Variants in FSIP1 observed in about 807,000 individuals in gnomAD.
The protein encoded by FSIP1 is fibrous sheath-interacting protein 1.
A neutral mutation model predicts 60.9 loss-of-function variants in FSIP1; 65 were observed. That is an observed-to-expected ratio of 1.07 (90% CI 0.87 to 1.31). The LOEUF is 1.31. Ranked by LOEUF, FSIP1 falls within the 40% of genes most tolerant of loss-of-function variation. FSIP1 has a pLI of 0.00. For synonymous variants in FSIP1, 209 were observed against 221.2 expected (o/e 0.94, Z 0.49); for missense variants, 675 against 665.5 (o/e 1.01, Z -0.16).
chr15:39,679,934 T>A (rs375012165), intron 10 of FSIP1, among the ~76,000 whole-genome samples: 3 of 152,186 alleles, frequency 2.0e-5, no homozygotes, highest in East Asian at 3.9e-4. Flanking sequence ...GGCCTGAAAC[T>A]TAGCATTCAT....
chr15:39,605,823 T>C (rs906533620), intron 11 of FSIP1, among the ~76,000 whole-genome samples: 1 of 152,270 alleles, frequency 6.6e-6, no homozygotes, highest in Non-Finnish European at 1.5e-5. Context: ...TTTATTTGAA[T>C]GTTCTCATTT....
rs537897489 is a variant in FSIP1, at chr15:39,673,855, T to G, written c.1188+39589A>C. ...TAATTGGCTTATTTTTCTATATATA[T>G]ATCATATATTTTGTATATATCTTAA... On this transcript the variant is annotated intron_variant, in intron 10 of 11. Coordinates refer to ENST00000350221, the MANE Select transcript of FSIP1 (RefSeq NM_152597.5). Among the ~76,000 whole-genome samples the G allele has an allele frequency of 2.6e-5, 4 of 152,012 alleles. No individual in the cohort carries two copies. In the East Asian group the frequency reaches 7.7e-4, roughly 29 times the overall value.
At position 39,618,239 on chromosome 15, in the gene FSIP1, A is replaced by T. The variant is rs1891312817; in HGVS notation, c.1195T>A (p.Ser399Thr). ...TGTTCTTCAGAGAGACATGATGTGG[A>T]CTCTAACTGATGAAACAAACCAAAA... is the stretch of plus-strand genomic sequence containing the variant. ...LKMMKENVLE[S>T]TSCLSEEQLK... The change falls in exon 11 of 12, where the codon TCC (serine) becomes ACC (threonine). Residue 399 changes from serine to threonine, a missense_variant. Physicochemically the swap from Ser to Thr is moderately conservative, Grantham distance 58. Transcript: ENST00000350221. 6.3e-7 allele frequency: 1 copy of T among 1,594,020 alleles called. No individual in the cohort carries two copies. Among genetic ancestry groups the T allele is most frequent in the Non-Finnish European group, 8.6e-7 (1 of 1,166,912 alleles).
intron 10 of FSIP1, among the ~76,000 whole-genome samples, chr15:39,661,159 T>C (rs568888149): frequency 1.3e-5 from 2 of 152,352 alleles, no homozygotes; most frequent in African/African-American, 2.4e-5. Context: ...ACACACTAGA[T>C]TGTTGGTATG....
Position 39,618,037 on chromosome 15 carries a change from T to C in FSIP1, c.1397A>G (p.Glu466Gly). The change falls in exon 11 of 12, where the codon GAA becomes GGA. Residue 466 changes from glutamate to glycine, a missense_variant. By Grantham distance (98) the Glu-to-Gly change is moderately conservative. Transcript: ENST00000350221. ...SETKVQKTEV[E>G]DADMLESEEC... ...TTCACTCTCAAGCATATCTGCATCT[T>C]CTACCTCAGTTTTCTGGACCTTTGT... 6.2e-7 allele frequency: 1 copy of C among 1,614,184 alleles called. No homozygotes were observed. Among genetic ancestry groups the C allele is most frequent in the Non-Finnish European group, 8.5e-7 (1 of 1,180,010 alleles).
At chr15:39,691,190 G>T (rs1321090409) in intron 10 of FSIP1, among the ~76,000 whole-genome samples, 1 of 152,206 alleles carries the variant, frequency 6.6e-6, no homozygotes, top group Non-Finnish European at 1.5e-5. Context: ...AGTCTTTGGG[G>T]AAGGGTGACT....
At chr15:39,711,216 AG>A (rs1349506792) in intron 10 of FSIP1, among the ~76,000 whole-genome samples, 3 of 152,278 alleles carry the variant, frequency 2.0e-5, no homozygotes, top group African/African-American at 7.2e-5. Context: ...AAGATCGAAG[AG>A]CTGGCAGGTT....
At chr15:39,760,840 T>C (rs1198270398) in intron 5 of FSIP1, among the ~76,000 whole-genome samples, 2 of 152,168 alleles carry the variant, frequency 1.3e-5, no homozygotes, top group African/African-American at 4.8e-5. Flanking sequence ...TATGGTTATG[T>C]AAGATTAGGA....
chr15:39,740,391 G>A (rs1400500440), intron 6 of FSIP1, among the ~76,000 whole-genome samples: 1 of 152,060 alleles, frequency 6.6e-6, no homozygotes, highest in African/African-American at 2.4e-5. Context: ...GACACCGAGT[G>A]CTCAAAATAA....
At chr15:39,774,703 G>A (rs1341691292) in intron 2 of FSIP1, among the ~76,000 whole-genome samples, 1 of 152,216 alleles carries the variant, frequency 6.6e-6, no homozygotes, top group East Asian at 1.9e-4. Context: ...AATCCAATTA[G>A]ATGAACCTGC....
At chr15:39,725,669 T>A (rs1320350297) in intron 9 of FSIP1, among the ~76,000 whole-genome samples, 1 of 152,204 alleles carries the variant, frequency 6.6e-6, no homozygotes, top group Non-Finnish European at 1.5e-5. Flanking sequence ...TACTCTCTTA[T>A]GCAATCAGAC....
At chr15:39,752,987 A>C (rs1470088523) in intron 5 of FSIP1, among the ~76,000 whole-genome samples, 1 of 152,114 alleles carries the variant, frequency 6.6e-6, no homozygotes, top group Non-Finnish European at 1.5e-5. Flanking sequence ...AAAATTAGAG[A>C]TAAAGAGGAT....
chr15:39,767,234 T>A (rs541667765), intron 3 of FSIP1, among the ~76,000 whole-genome samples: 1 of 152,338 alleles, frequency 6.6e-6, no homozygotes, highest in East Asian at 1.9e-4. Context: ...TCCTTGAATC[T>A]TATTGCTTAT....
chr15:39,652,911 C>T (rs771327900), intron 10 of FSIP1, among the ~76,000 whole-genome samples: 2 of 152,114 alleles, frequency 1.3e-5, no homozygotes, highest in Non-Finnish European at 2.9e-5. Context: ...TACAGTGGCT[C>T]ATGCCTGTAA....
At chr15:39,738,765 G>C (rs1402122139) in intron 7 of FSIP1, among the ~76,000 whole-genome samples, 1 of 152,192 alleles carries the variant, frequency 6.6e-6, no homozygotes, top group Non-Finnish European at 1.5e-5. Flanking sequence ...CAAAGACAGA[G>C]ACAGAACAAG....
At chr15:39,665,436 T>C (rs1178105036) in intron 10 of FSIP1, among the ~76,000 whole-genome samples, 3 of 152,212 alleles carry the variant, frequency 2.0e-5, no homozygotes, top group African/African-American at 7.2e-5. Flanking sequence ...ATTTAATAAA[T>C]AACAAAATAT....
chr15:39,664,010 G>A (rs1253264699), intron 10 of FSIP1, among the ~76,000 whole-genome samples: 1 of 152,122 alleles, frequency 6.6e-6, no homozygotes, highest in African/African-American at 2.4e-5. Flanking sequence ...ACATTAAAGG[G>A]CTGTTAAAAG....
At chr15:39,734,789 T>C (rs1404302897) in intron 8 of FSIP1, among the ~76,000 whole-genome samples, 2 of 151,974 alleles carry the variant, frequency 1.3e-5, no homozygotes, top group African/African-American at 4.8e-5. Flanking sequence ...TATGAGCAAA[T>C]TAAATATGCT....
chr15:39,679,079 T>C (rs940155783), intron 10 of FSIP1, among the ~76,000 whole-genome samples: 1 of 152,226 alleles, frequency 6.6e-6, no homozygotes, highest in Non-Finnish European at 1.5e-5. Context: ...CTAAGCTGTT[T>C]AGTGTCTTTG....
Sources: allele counts gnomAD v4.1 joint callset (sites outside exome capture counted in the v4.1 genomes callset), GRCh38; gene constraint gnomAD v4.1.1; transcripts MANE v1.5; gene names NCBI Gene and HGNC (gene_info 2026-07-23, HGNC 2026-07-21).